SYTL2: variants seen among roughly 807,000 people sequenced by gnomAD.
SYTL2 encodes the protein synaptotagmin-like protein 2.
A neutral mutation model predicts 198.7 loss-of-function variants in SYTL2; 165 were observed. That is an observed-to-expected ratio of 0.83 (90% confidence interval 0.73 to 0.94). The LOEUF is 0.94. Among genes scored for constraint, SYTL2 ranks in the 40% least tolerant of loss-of-function variants. SYTL2 has a pLI of 0.00. For synonymous variants in SYTL2, 966 were observed against 917.7 expected (o/e 1.05, Z -0.95); for missense variants, 2,835 against 2,582.8 (o/e 1.10, Z -2.12).
the SYTL2 span, among the ~76,000 whole-genome samples, chr11:85,841,122 G>C: frequency 6.6e-6 from 1 of 152,068 alleles, no homozygotes; most frequent in Admixed American, 6.6e-5. Flanking sequence ...ACCACAATGA[G>C]ACATCATCTC....
chr11:85,698,958 C>T lies in SYTL2; in HGVS notation c.6269-880G>A, dbSNP rs537568461. Among the ~76,000 whole-genome samples, 110 of 152,284 alleles carry T rather than the reference C, an allele frequency of 7.2e-4. No individual in the cohort carries two copies. In the South Asian group the frequency reaches 0.02, roughly 28 times the overall value. On this transcript the variant is annotated intron_variant, in intron 17 of 19. Transcript: ENST00000359152. ...AATTGTTGTCTAGGCTGGGTTCATACGAACAGAGGAATGCCACCAGATTTT... is the reference window on the plus strand; with the variant it reads ...AATTGTTGTCTAGGCTGGGTTCATATGAACAGAGGAATGCCACCAGATTTT...
At chr11:85,846,928 G>A in the SYTL2 span, among the ~76,000 whole-genome samples, 1 of 148,184 alleles carries the variant, frequency 6.7e-6, no homozygotes, top group Non-Finnish European at 1.5e-5. Context: ...GAGATGGGGT[G>A]TCACTATGTT....
At chr11:85,787,962 A>C (rs147320828) in intron 1 of SYTL2, among the ~76,000 whole-genome samples, 5 of 152,144 alleles carry the variant, frequency 3.3e-5, no homozygotes, top group Non-Finnish European at 5.9e-5. Context: ...TTTTCCTCCA[A>C]GTGTGCAGCT....
intron 1 of SYTL2, among the ~76,000 whole-genome samples, chr11:85,770,376 C>T (rs575883040): frequency 2.0e-5 from 3 of 152,150 alleles, no homozygotes; most frequent in Non-Finnish European, 4.4e-5. Flanking sequence ...AACATGGCTT[C>T]ATTCACTCCT....
At chr11:85,761,479 G>A (rs1282559797) in intron 1 of SYTL2, among the ~76,000 whole-genome samples, 9 of 152,162 alleles carry the variant, frequency 5.9e-5, no homozygotes, top group Non-Finnish European at 1.0e-4. Context: ...AGAGGAGGCC[G>A]GAAAGGACAC....
At chr11:85,745,904 T>C in intron 3 of SYTL2, 132 bp from the exon 4 acceptor site, 1 of 781,680 alleles carries the variant, frequency 1.3e-6, no homozygotes, top group Middle Eastern at 2.4e-4. Flanking sequence ...AATCACTGGG[T>C]CTAAGTAGTT....
In SYTL2 at chr11:85,707,358, C is replaced by T; in HGVS notation, c.6018+71G>A. 3.0e-6 allele frequency: 3 copies of T among 993,138 alleles called. No individual in the cohort carries two copies. The South Asian group carries it at 4.0e-5, about 13-fold the overall frequency. The allele number at this position is 993,138 out of a possible 1,614,324, so 61.5% of individuals were successfully genotyped here. ...TGGTGACTGACTTTATCCTGTAGAGCTACTACCCAAAGAAGACATGGTAAA... is the reference window on the plus strand; with the variant it reads ...TGGTGACTGACTTTATCCTGTAGAGTTACTACCCAAAGAAGACATGGTAAA... On this transcript the variant is annotated intron_variant, in intron 15 of 19. Transcript: ENST00000359152.
chr11:85,771,847 A>G (rs1199164189), intron 1 of SYTL2, among the ~76,000 whole-genome samples: 1 of 152,040 alleles, frequency 6.6e-6, no homozygotes, highest in African/African-American at 2.4e-5. Flanking sequence ...AGCTGATGAG[A>G]CCCTGCATGG....
chr11:85,838,334 A>C, the SYTL2 span, among the ~76,000 whole-genome samples: 1 of 152,198 alleles, frequency 6.6e-6, no homozygotes, highest in Non-Finnish European at 1.5e-5. Flanking sequence ...TGCGTTACAC[A>C]AAGGTATTTT....
chr11:85,751,038 G>A (rs2091480861), intron 2 of SYTL2, among the ~76,000 whole-genome samples: 1 of 152,092 alleles, frequency 6.6e-6, no homozygotes, highest in Admixed American at 6.6e-5. Flanking sequence ...CACGATCAAT[G>A]CACAATGAGC....
At chr11:85,821,165 CT>C in the SYTL2 span, among the ~76,000 whole-genome samples, 5 of 152,182 alleles carry the variant, frequency 3.3e-5, no homozygotes, top group African/African-American at 4.8e-5. Context: ...AGATGCACAT[CT>C]TTTTTTATAG....
At chr11:85,848,659 G>T in the SYTL2 span, among the ~76,000 whole-genome samples, 1 of 152,096 alleles carries the variant, frequency 6.6e-6, no homozygotes, top group Non-Finnish European at 1.5e-5. Flanking sequence ...CTATATGTTT[G>T]TCCTTTTGTG....
chr11:85,716,695 TACACACACACACACAC>T (rs67088133), intron 11 of SYTL2: 2 of 140,638 alleles, frequency 1.4e-5, no homozygotes, highest in African/African-American at 2.7e-5. Context: ...TAAAAAATCA[TACACACACACACACAC>T]ACACACACAC....
intron 7 of SYTL2, among the ~76,000 whole-genome samples, chr11:85,730,852 C>T (rs537381581): frequency 4.7e-4 from 72 of 152,308 alleles, no homozygotes; most frequent in Admixed American, 7.8e-4. Context: ...ACCTCATCGT[C>T]TCAGCCCAAA....
At chr11:85,753,774 A>C (rs1165258852) in intron 2 of SYTL2, among the ~76,000 whole-genome samples, 1 of 151,450 alleles carries the variant, frequency 6.6e-6, no homozygotes, top group Non-Finnish European at 1.5e-5. Flanking sequence ...TTTAAAAAAA[A>C]AAAAAAAAAA....
At chr11:85,704,542 A>G (rs918730534) in intron 16 of SYTL2, among the ~76,000 whole-genome samples, 3 of 152,200 alleles carry the variant, frequency 2.0e-5, no homozygotes, top group African/African-American at 7.2e-5. Flanking sequence ...ACATCCTTTA[A>G]TCATTGAATA....
intron 8 of SYTL2, among the ~76,000 whole-genome samples, chr11:85,723,828 C>T (rs1363943240): frequency 7.1e-6 from 1 of 140,970 alleles, no homozygotes; most frequent in Non-Finnish European, 1.5e-5. Flanking sequence ...AAGAATTTAA[C>T]ATCATTTAAG....
At chr11:85,723,199 G>A (rs1271842038) in intron 8 of SYTL2, among the ~76,000 whole-genome samples, 3 of 152,118 alleles carry the variant, frequency 2.0e-5, no homozygotes, top group East Asian at 3.8e-4. Flanking sequence ...CAGCCTGGCC[G>A]CCAAAACCAA....
chr11:85,827,171 G>T, the SYTL2 span, among the ~76,000 whole-genome samples: 3 of 152,204 alleles, frequency 2.0e-5, no homozygotes, highest in Admixed American at 2.0e-4. Context: ...CCCAACATTT[G>T]AAATGGATAT....
Sources: gnomAD v4.1 joint callset for allele counts (sites outside exome capture counted in the v4.1 genomes callset) on GRCh38, gnomAD v4.1.1 for gene constraint, MANE v1.5 for transcripts, NCBI Gene and HGNC (gene_info 2026-07-23, HGNC 2026-07-21) for gene names.